The following XPOT variants were observed in gnomAD, a reference collection of about 807,000 sequenced individuals.
XPOT encodes the protein exportin-T.
XPOT carries 34 observed loss-of-function variants against 128.2 expected under a neutral mutation model. The observed-to-expected ratio is 0.27, with a 90% CI of 0.20 to 0.35. The LOEUF (loss-of-function observed/expected upper bound fraction) is 0.35, where lower values mean the gene tolerates loss of function less well. Ranked by LOEUF, XPOT falls within the 10% of genes least tolerant of loss-of-function variation. The probability of loss-of-function intolerance (pLI) is 1.00; values close to 1 mark genes in which losing one functional copy is unlikely to be tolerated. For synonymous variants in XPOT, 348 were observed against 394.3 expected (o/e 0.88, Z 1.39); for missense variants, 838 against 1,125.3 (o/e 0.74, Z 3.65).
At chr12:64,428,476 CT>C (rs1447751838) in intron 16 of XPOT, among the ~76,000 whole-genome samples, 5 of 151,966 alleles carry the variant, frequency 3.3e-5, no homozygotes, top group Non-Finnish European at 7.4e-5. Flanking sequence ...CTAAATTATT[CT>C]GTTTAATCCT....
At chr12:64,407,283 G>C (rs947597452) in intron 1 of XPOT, among the ~76,000 whole-genome samples, 3 of 152,000 alleles carry the variant, frequency 2.0e-5, no homozygotes, top group African/African-American at 7.3e-5. Flanking sequence ...TTAGGGGTTC[G>C]AGACCAGCCT....
chr12:64,422,627 A>AAT (rs2040149202), intron 9 of XPOT, among the ~76,000 whole-genome samples: 1 of 152,174 alleles, frequency 6.6e-6, no homozygotes, highest in African/African-American at 2.4e-5. Context: ...GGCCAGGCAT[A>AAT]ATGGCTGTCA....
chr12:64,446,634 T>TC (rs2040369247), intron 24 of XPOT, among the ~76,000 whole-genome samples: 2 of 152,238 alleles, frequency 1.3e-5, no homozygotes, highest in South Asian at 4.1e-4. Flanking sequence ...TTTTTTTTTT[T>TC]TTTCATATTC....
chr12:64,441,596 T>C (rs1002628152), intron 23 of XPOT, among the ~76,000 whole-genome samples: 2 of 152,256 alleles, frequency 1.3e-5, no homozygotes, highest in African/African-American at 4.8e-5. Context: ...AATATGCTCT[T>C]GGAACTCTTA....
chr12:64,404,467 G>C lies in XPOT; in HGVS notation c.-412G>C, dbSNP rs986426999. On this transcript the variant is annotated 5_prime_UTR_variant, in exon 1 of 25. Transcript: ENST00000332707. ...GGGGAGCGCGCTTCGCGCTGACTCA[G>C]CGGCGGCGGCGGCTGCGGCGGCGGC... 2.2e-4 allele frequency: 35 copies of C among 156,548 alleles called. No individual in the cohort carries two copies. Among genetic ancestry groups the C allele is most frequent in the East Asian group, 2.2e-3 (12 of 5,378 alleles). The allele number at this position is 156,548 out of a possible 1,614,324, so 9.7% of individuals were successfully genotyped here. A position where few individuals can be genotyped will look rare whatever the true frequency, so the allele number is the denominator to read the frequency against.
chr12:64,425,652 C>A, intron 14 of XPOT, 163 bp from the exon 15 acceptor site: 3 of 942,980 alleles, frequency 3.2e-6, no homozygotes, highest in Admixed American at 2.3e-5. Flanking sequence ...AAAACAAGTT[C>A]TCAAGGGACT....
chr12:64,423,147 G>A (rs943931550), intron 10 of XPOT, 35 bp from the exon 11 acceptor site: 1 of 1,593,412 alleles, frequency 6.3e-7, no homozygotes, highest in Non-Finnish European at 8.5e-7. Context: ...GAAGGAGACT[G>A]ACAAAAACTC....
chr12:64,432,116 A>G (rs2040244592), intron 18 of XPOT, among the ~76,000 whole-genome samples: 1 of 152,232 alleles, frequency 6.6e-6, no homozygotes, highest in Non-Finnish European at 1.5e-5. Flanking sequence ...TGAGTACTAA[A>G]TAAGCACCAT....
chr12:64,406,423 C>T (rs1358396607), intron 1 of XPOT, among the ~76,000 whole-genome samples: 1 of 149,992 alleles, frequency 6.7e-6, no homozygotes, highest in Admixed American at 6.7e-5. Flanking sequence ...GGCTGGAGTG[C>T]GGTGGCGCCA....
chr12:64,417,949 A>G (rs2040102837), intron 4 of XPOT, 97 bp from the exon 5 acceptor site: 1 of 851,232 alleles, frequency 1.2e-6, no homozygotes, highest in East Asian at 2.6e-5. Context: ...ATTGAGAGCT[A>G]TACAAATTTT....
intron 21 of XPOT, 42 bp downstream of exon 21, chr12:64,434,951 T>C: frequency 6.6e-7 from 1 of 1,504,868 alleles, no homozygotes; most frequent in Non-Finnish European, 9.1e-7. Context: ...GTAGCTCATA[T>C]ATTCCCAATT....
At chr12:64,411,538 C>T (rs983212349) in intron 2 of XPOT, among the ~76,000 whole-genome samples, 1 of 152,164 alleles carries the variant, frequency 6.6e-6, no homozygotes, top group Admixed American at 6.5e-5. Context: ...TACAGAAGCT[C>T]TGCTTTTTGT....
At chr12:64,420,544 T>C in intron 8 of XPOT, 23 bp downstream of exon 8, 1 of 1,586,258 alleles carries the variant, frequency 6.3e-7, no homozygotes. Context: ...ATATAAAACA[T>C]TGTATGTAAA....
At position 64,418,064 on chromosome 12, in the gene XPOT, T is replaced by A. The variant is rs767845879; in HGVS notation, c.219T>A (p.Thr73=). 44 of 1,613,440 alleles carry A rather than the reference T, an allele frequency of 2.7e-5. No individual in the cohort carries two copies. Among genetic ancestry groups the A allele is most frequent in the Non-Finnish European group, 3.5e-5 (41 of 1,179,746 alleles). The change falls in exon 5 of 25, where the codon ACT becomes ACA. Residue 73 remains threonine, a synonymous_variant. Coordinates refer to ENST00000332707, the MANE Select transcript of XPOT (RefSeq NM_007235.6). ...QVKYKYSELT[T]VQQQLIRETL... is the part of the protein sequence containing the mutation. ...TGAACAGATACTCAGAACTAACCACTGTTCAACAACAGCTAATTAGGGAGA... is the reference window on the plus strand; with the variant it reads ...TGAACAGATACTCAGAACTAACCACAGTTCAACAACAGCTAATTAGGGAGA...
At chr12:64,407,211 C>T (rs1015652916) in intron 1 of XPOT, among the ~76,000 whole-genome samples, 6 of 151,844 alleles carry the variant, frequency 4.0e-5, no homozygotes, top group Middle Eastern at 3.4e-3. Flanking sequence ...GAGAAATGGC[C>T]GGGTGGCTCA....
intron 24 of XPOT, among the ~76,000 whole-genome samples, chr12:64,446,153 A>C (rs1246946588): frequency 6.6e-6 from 1 of 152,196 alleles, no homozygotes; most frequent in Non-Finnish European, 1.5e-5. Context: ...TAAATAACTG[A>C]TCAGTCAAAC....
At chr12:64,447,132 G>T (rs963382447) in intron 24 of XPOT, among the ~76,000 whole-genome samples, 2 of 152,014 alleles carry the variant, frequency 1.3e-5, no homozygotes, top group Admixed American at 1.3e-4. Flanking sequence ...TTTACTATCA[G>T]GAAAACAACA....
chr12:64,432,727 A>G (rs2040249807), intron 18 of XPOT, among the ~76,000 whole-genome samples: 1 of 152,244 alleles, frequency 6.6e-6, no homozygotes, highest in Non-Finnish European at 1.5e-5. Flanking sequence ...GCAAGTATTG[A>G]GAACATGCTA....
chr12:64,405,388 G>A (rs1229857896), intron 1 of XPOT: 1 of 152,096 alleles, frequency 6.6e-6, no homozygotes, highest in African/African-American at 2.4e-5. Context: ...TTGGGGGAGA[G>A]TTACGTTTTA....
Sources: gnomAD v4.1 joint callset for allele counts (sites outside exome capture counted in the v4.1 genomes callset) on GRCh38, gnomAD v4.1.1 for gene constraint, MANE v1.5 for transcripts, NCBI Gene and HGNC (gene_info 2026-07-23, HGNC 2026-07-21) for gene names.